The following STAU2 variants were observed in gnomAD, a reference collection of about 807,000 sequenced individuals.
The protein encoded by STAU2 is double-stranded RNA-binding protein Staufen homolog 2.
Under a neutral mutation model 65.9 loss-of-function variants are expected in STAU2, and 20 were observed. The observed-to-expected ratio is 0.30, with a 90% CI of 0.21 to 0.44. The LOEUF (loss-of-function observed/expected upper bound fraction) is 0.44, where lower values mean the gene tolerates loss of function less well. Ranked by LOEUF, STAU2 falls within the 20% of genes least tolerant of loss-of-function variation. STAU2 has a pLI of 1.00. For missense variants in STAU2, 558 were observed against 683.9 expected (o/e 0.82, Z 2.05); for synonymous variants, 232 against 233.9 (o/e 0.99, Z 0.07).
At chr8:73,542,414 C>T (rs2128938116) in intron 13 of STAU2, among the ~76,000 whole-genome samples, 1 of 152,176 alleles carries the variant, frequency 6.6e-6, no homozygotes, top group Non-Finnish European at 1.5e-5. Flanking sequence ...TCTTTGTGAT[C>T]TTAGGGGTAG....
At chr8:73,558,793 A>C (rs894081914) in intron 12 of STAU2, among the ~76,000 whole-genome samples, 4 of 147,782 alleles carry the variant, frequency 2.7e-5, no homozygotes, top group East Asian at 3.9e-4. Context: ...ATTTCTTTTC[A>C]TTTTTCACAG....
At chr8:73,542,530 G>A (rs1398524769) in intron 13 of STAU2, among the ~76,000 whole-genome samples, 4 of 152,178 alleles carry the variant, frequency 2.6e-5, no homozygotes, top group East Asian at 1.9e-4. Flanking sequence ...AAAGGATCAC[G>A]TTAAGATAAC....
In STAU2 at chr8:73,733,310, C is replaced by T. The variant is rs1806200374; in HGVS notation, c.-18+4974G>A. On this transcript the variant is annotated intron_variant, in intron 3 of 14. Transcript: ENST00000524300. ...TATAGACTTTTCCAATTCCTTAGGA[C>T]ACACTGACCTGTCAAGCCTACCTCA... is the stretch of plus-strand genomic sequence containing the variant. 2.6e-5 allele frequency among the ~76,000 whole-genome samples: 4 copies of T among 152,200 alleles called. No individual in the cohort carries two copies. The South Asian group carries it at 8.3e-4, about 32-fold the overall frequency.
intron 11 of STAU2, among the ~76,000 whole-genome samples, chr8:73,586,171 C>T (rs927628952): frequency 6.6e-6 from 1 of 152,144 alleles, no homozygotes; most frequent in African/African-American, 2.4e-5. Flanking sequence ...TTGTAGCTAG[C>T]TTAGCAGATG....
intron 13 of STAU2, among the ~76,000 whole-genome samples, chr8:73,451,062 C>A (rs538419089): frequency 6.6e-6 from 1 of 152,324 alleles, no homozygotes; most frequent in South Asian, 2.1e-4. Flanking sequence ...CTGATCCACA[C>A]GCTGCCGGCA....
intron 13 of STAU2, among the ~76,000 whole-genome samples, chr8:73,433,800 G>A (rs2128884557): frequency 6.6e-6 from 1 of 151,980 alleles, no homozygotes; most frequent in South Asian, 2.1e-4. Context: ...ACCGTGCCTG[G>A]CCTATTTAAT....
chr8:73,483,438 A>G (rs1336987654), intron 13 of STAU2, among the ~76,000 whole-genome samples: 1 of 152,156 alleles, frequency 6.6e-6, no homozygotes, highest in African/African-American at 2.4e-5. Context: ...AAAGGTGATC[A>G]GTTCAAAGCT....
At chr8:73,546,173 G>C (rs1163402343) in intron 13 of STAU2, among the ~76,000 whole-genome samples, 3 of 121,484 alleles carry the variant, frequency 2.5e-5, no homozygotes, top group Non-Finnish European at 4.9e-5. Context: ...CACCATGTTG[G>C]CCAGGTTGGT....
intron 13 of STAU2, among the ~76,000 whole-genome samples, chr8:73,510,934 AAAGTT>A (rs1822362326): frequency 6.6e-6 from 1 of 152,252 alleles, no homozygotes; most frequent in Non-Finnish European, 1.5e-5. Flanking sequence ...TGTAAATTTA[AAAGTT>A]AAGTAGAATC....
intron 6 of STAU2, among the ~76,000 whole-genome samples, chr8:73,638,855 G>C (rs1196699443): frequency 1.3e-5 from 2 of 150,364 alleles, no homozygotes; most frequent in African/African-American, 2.4e-5. Context: ...GTTGGTACAA[G>C]TAGTAAAAAA....
rs184382543 is a variant in STAU2 at position 73,614,694 on chromosome 8, T to C, written c.679-738A>G. Among the ~76,000 whole-genome samples the C allele has an allele frequency of 4.1e-4, 62 of 152,310 alleles. 1 individual carries two copies. Among genetic ancestry groups the C allele is most frequent in the Admixed American group, 3.6e-3 (55 of 15,286 alleles). On this transcript the variant is annotated intron_variant, in intron 8 of 14. Coordinates refer to ENST00000524300, the MANE Select transcript of STAU2 (RefSeq NM_001164380.2). Reference sequence around the variant, plus strand: ...GATATCCTACATCATAATATATTGATGTTCCCAAGAACACCTAAGAATAAT... The same window carrying C: ...GATATCCTACATCATAATATATTGACGTTCCCAAGAACACCTAAGAATAAT...
intron 12 of STAU2, among the ~76,000 whole-genome samples, chr8:73,552,869 A>G (rs576028533): frequency 3.9e-4 from 60 of 152,338 alleles, no homozygotes; most frequent in African/African-American, 1.4e-3. Context: ...AATGGGTATC[A>G]TCTCAAAACT....
chr8:73,746,701 A>G, intron 1 of STAU2, 82 bp downstream of exon 1: 1 of 866,448 alleles, frequency 1.2e-6, no homozygotes, highest in African/African-American at 1.7e-5. Flanking sequence ...GCGGAACTGC[A>G]GGGCTCCCCA....
At chr8:73,526,646 G>T (rs1445561015) in intron 13 of STAU2, among the ~76,000 whole-genome samples, 1 of 152,108 alleles carries the variant, frequency 6.6e-6, no homozygotes, top group Non-Finnish European at 1.5e-5. Context: ...AAGCATAACT[G>T]GTTAGTCATA....
At chr8:73,433,359 G>A (rs12674853) in intron 13 of STAU2, among the ~76,000 whole-genome samples, 44,391 of 150,154 alleles carry the variant, frequency 0.3, 8,191 homozygotes, top group East Asian at 0.51. Flanking sequence ...CACCCGCCAC[G>A]ACACCCAGCT....
At chr8:73,616,429 T>C (rs1812837788) in intron 7 of STAU2, among the ~76,000 whole-genome samples, 1 of 151,984 alleles carries the variant, frequency 6.6e-6, no homozygotes, top group Non-Finnish European at 1.5e-5. Flanking sequence ...GCCATTAAGA[T>C]AAATATCAAA....
At chr8:73,552,434 C>T (rs1207037230) in intron 12 of STAU2, 115 bp from the exon 13 acceptor site, 1 of 894,532 alleles carries the variant, frequency 1.1e-6, no homozygotes, top group Non-Finnish European at 1.6e-6. Flanking sequence ...AGAAACACTG[C>T]CAAACAAGTA....
intron 5 of STAU2, among the ~76,000 whole-genome samples, chr8:73,687,341 T>C (rs1347604423): frequency 2.2e-5 from 2 of 89,410 alleles, no homozygotes; most frequent in African/African-American, 4.3e-5. Flanking sequence ...ATATAATTTA[T>C]ATTTATAATT....
At chr8:73,609,508 G>C (rs1341171244) in intron 9 of STAU2, among the ~76,000 whole-genome samples, 1 of 151,922 alleles carries the variant, frequency 6.6e-6, no homozygotes, top group Non-Finnish European at 1.5e-5. Context: ...AAAAAAATTA[G>C]CTGAGCATGG....
Sources: gnomAD v4.1 joint callset for allele counts (sites outside exome capture counted in the v4.1 genomes callset) on GRCh38, gnomAD v4.1.1 for gene constraint, MANE v1.5 for transcripts, NCBI Gene and HGNC (gene_info 2026-07-23, HGNC 2026-07-21) for gene names.